COL4A5: variants seen among roughly 807,000 people sequenced by gnomAD.
COL4A5 encodes collagen type IV alpha 5 chain, also known as collagen alpha-5(IV) chain.
COL4A5 carries 26 observed loss-of-function variants against 130.2 expected under a neutral mutation model. The observed-to-expected ratio is 0.20, with a 90% CI of 0.15 to 0.28. The LOEUF is 0.28. Ranked by LOEUF, COL4A5 falls within the 10% of genes least tolerant of loss-of-function variation. COL4A5 has a pLI of 1.00. For missense variants in COL4A5, 1,131 were observed against 1,344.3 expected, an observed-to-expected ratio of 0.84 and a Z score of 2.48; for synonymous variants, 496 against 439.6, an observed-to-expected ratio of 1.13 and a Z score of -1.60.
At chrX:108,642,479 G>A (rs1040900760) in intron 36 of COL4A5, among the ~76,000 whole-genome samples, 3 of 111,019 alleles carry the variant, frequency 2.7e-5, no homozygotes, top group African/African-American at 9.9e-5. Context: ...CCCTCACAGA[G>A]TACATTTCAC....
chrX:108,451,991 T>A (rs1386430480), intron 1 of COL4A5, among the ~76,000 whole-genome samples: 4 of 112,031 alleles, frequency 3.6e-5, no homozygotes, highest in African/African-American at 1.3e-4. Context: ...CATCTTGAAT[T>A]AATTTTTGTA....
chrX:108,460,277 C>T (rs1157720107), intron 1 of COL4A5, among the ~76,000 whole-genome samples: 5 of 111,697 alleles, frequency 4.5e-5, no homozygotes, highest in Admixed American at 9.6e-5. Flanking sequence ...ATTCCCGTTA[C>T]ATTTTGATTT....
chrX:108,559,179 A>G (rs2065869440), intron 3 of COL4A5, 26 bp downstream of exon 3: 1 of 1,093,355 alleles, frequency 9.1e-7, no homozygotes, highest in South Asian at 1.8e-5. Context: ...CCAACCAGTA[A>G]TGCCAGATGA....
chrX:108,661,047 G>A (rs1426090526), intron 37 of COL4A5, among the ~76,000 whole-genome samples: 1 of 112,119 alleles, frequency 8.9e-6, no homozygotes, highest in Non-Finnish European at 1.9e-5. Flanking sequence ...TACATGCTAT[G>A]TAGGTTTGTA....
intron 1 of COL4A5, among the ~76,000 whole-genome samples, chrX:108,483,227 G>GTA (rs1436380430): frequency 9.7e-6 from 1 of 103,246 alleles, no homozygotes; most frequent in African/African-American, 4.1e-5. Context: ...GTGTGTATGT[G>GTA]TGTGTGTGTG....
At chrX:108,591,283 G>A (rs774052580) in intron 20 of COL4A5, 52 bp downstream of exon 20, 2 of 1,104,598 alleles carry the variant, frequency 1.8e-6, no homozygotes, top group East Asian at 6.0e-5. Flanking sequence ...TGTTTATTTT[G>A]TTTATAAGTA....
chrX:108,469,169 C>CTTTTTTTTTTTTTTTTTTTTTTTTT (rs529015725), intron 1 of COL4A5, among the ~76,000 whole-genome samples: 1 of 77,676 alleles, frequency 1.3e-5, no homozygotes, highest in Non-Finnish European at 2.4e-5. Flanking sequence ...CTCTCTCTCT[C>CTTTTTTTTTTTTTTTTTTTTTTTTT]TTTTTTTTTT....
intron 2 of COL4A5, among the ~76,000 whole-genome samples, chrX:108,546,846 C>A (rs1029684110): frequency 9.0e-6 from 1 of 111,702 alleles, no homozygotes; most frequent in East Asian, 2.8e-4. Flanking sequence ...CTTCTCACTT[C>A]ATTTCATTCA....
chrX:108,626,410 A>G (rs768808378), intron 36 of COL4A5, 61 bp downstream of exon 36: 12 of 1,184,430 alleles, frequency 1.0e-5, no homozygotes, highest in African/African-American at 1.8e-5. Flanking sequence ...TTTTAATACT[A>G]TGCTCATTCC....
At chrX:108,568,494 A>T (rs2066009270) in intron 4 of COL4A5, 135 bp from the exon 5 acceptor site, 2 of 492,341 alleles carry the variant, frequency 4.1e-6, no homozygotes, top group South Asian at 6.1e-5. Context: ...TTCAAAGAAC[A>T]ATGAGTAGTA....
intron 3 of COL4A5, among the ~76,000 whole-genome samples, chrX:108,562,470 T>C (rs1569487032): frequency 8.9e-6 from 1 of 112,164 alleles, no homozygotes; most frequent in Non-Finnish European, 1.9e-5. Context: ...AATAATTTAG[T>C]ATTAACTAGG....
chrX:108,544,876 G>C (rs1032950621), intron 2 of COL4A5, among the ~76,000 whole-genome samples: 1 of 111,833 alleles, frequency 8.9e-6, no homozygotes, highest in African/African-American at 3.3e-5. Flanking sequence ...ATTTCTTCTA[G>C]ATTTTCTAGT....
intron 1 of COL4A5, among the ~76,000 whole-genome samples, chrX:108,530,788 G>T (rs1225874878): frequency 1.9e-5 from 2 of 104,650 alleles, no homozygotes; most frequent in African/African-American, 7.0e-5. Flanking sequence ...CATTGTGGAA[G>T]TCAGTGTGGC....
At chrX:108,652,514 A>G (rs188014391) in intron 36 of COL4A5, among the ~76,000 whole-genome samples, 8 of 112,456 alleles carry the variant, frequency 7.1e-5, no homozygotes, top group East Asian at 2.8e-4. Flanking sequence ...CCCAGTGGCA[A>G]TGCTTCTCTA....
intron 36 of COL4A5, among the ~76,000 whole-genome samples, chrX:108,644,406 A>G (rs1315811935): frequency 8.9e-6 from 1 of 111,943 alleles, no homozygotes; most frequent in Non-Finnish European, 1.9e-5. Context: ...TATATACAGA[A>G]CATTCCATCC....
chrX:108,614,402 T>G lies in COL4A5; in HGVS notation c.2396-509T>G, dbSNP rs772870280. Among the ~76,000 whole-genome samples the G allele has an allele frequency of 6.9e-4, 77 of 111,503 alleles. 1 individual carries two copies. Among genetic ancestry groups the G allele is most frequent in the Middle Eastern group, 4.6e-3 (1 of 216 alleles). On this transcript the variant is annotated intron_variant, in intron 29 of 52. Transcript: ENST00000328300. ...AAGTGTACACTAAAAAGACAGAATTTTAGTACATGTAAAAATTGTTTAAAG... is the reference window on the plus strand; with the variant it reads ...AAGTGTACACTAAAAAGACAGAATTGTAGTACATGTAAAAATTGTTTAAAG...
intron 21 of COL4A5, among the ~76,000 whole-genome samples, chrX:108,594,596 C>T (rs927353240): frequency 9.1e-6 from 1 of 109,648 alleles, no homozygotes; most frequent in East Asian, 2.9e-4. Context: ...TCCCCTCCCT[C>T]ATTCTGCTCT....
At position 108,622,743 on chromosome X, in the gene COL4A5, G is replaced by C. The variant is rs750353449; in HGVS notation, c.2835G>C (p.Glu945Asp). The change falls in exon 33 of 53, where the codon GAG becomes GAC. Residue 945 changes from glutamate (E) to aspartate (D), a missense_variant. By Grantham distance (45) the Glu-to-Asp change is conservative. Coordinates refer to ENST00000328300, the MANE Select transcript of COL4A5 (RefSeq NM_033380.3). ...GPTGEKGSKG[E>D]PGLPGPPGPM... The stretch of plus-strand genomic sequence containing the variant: ...CAGGAGAAAAAGGTAGTAAAGGAGA[G>C]CCTGGCCTTCCAGGCCCTCCTGGAC... The C allele has an allele frequency of 3.3e-6, 4 of 1,211,116 alleles. No homozygotes were observed. The South Asian group carries it at 7.0e-5, about 21-fold the overall frequency.
intron 1 of COL4A5, among the ~76,000 whole-genome samples, chrX:108,485,633 A>G (rs1364454799): frequency 9.1e-6 from 1 of 110,066 alleles, no homozygotes; most frequent in Non-Finnish European, 1.9e-5. Context: ...TGGAGTCCTC[A>G]TGACTCTGAC....
Sources: gnomAD v4.1 joint callset for allele counts (sites outside exome capture counted in the v4.1 genomes callset) on GRCh38, gnomAD v4.1.1 for gene constraint, MANE v1.5 for transcripts, NCBI Gene and HGNC (gene_info 2026-07-23, HGNC 2026-07-21) for gene names.